Variants in LARP1 observed in about 807,000 individuals in gnomAD.
LARP1 encodes the protein la-related protein 1.
Under a neutral mutation model 122.7 loss-of-function variants are expected in LARP1, and 36 were observed. The ratio of observed to expected loss-of-function variants is 0.29; its 90% CI spans 0.22 to 0.39. The LOEUF (loss-of-function observed/expected upper bound fraction) is 0.39, where lower values mean the gene tolerates loss of function less well. Among genes scored for constraint, LARP1 ranks in the 10% least tolerant of loss-of-function variants. The pLI is 1.00. For synonymous variants in LARP1, 539 were observed against 528.7 expected (o/e 1.02, Z -0.27); for missense variants, 1,040 against 1,403.6 (o/e 0.74, Z 4.14).
chr5:154,811,389 G>A, intron 17 of LARP1, 33 bp downstream of exon 17: 1 of 1,599,750 alleles, frequency 6.3e-7, no homozygotes, highest in Non-Finnish European at 8.6e-7. Context: ...AGTGAGGCCT[G>A]GTCATGTAGG....
chr5:154,719,491 A>G (rs1755722462), intron 1 of LARP1, among the ~76,000 whole-genome samples: 1 of 152,202 alleles, frequency 6.6e-6, no homozygotes, highest in Admixed American at 6.5e-5. Context: ...CTGAAATACA[A>G]CTATCAAAAT....
intron 1 of LARP1, among the ~76,000 whole-genome samples, chr5:154,735,577 A>T (rs537108272): frequency 3.0e-4 from 45 of 148,510 alleles, no homozygotes; most frequent in African/African-American, 1.1e-3. Flanking sequence ...TTATTTATTT[A>T]TTTTTTCTGA....
At chr5:154,741,558 T>C (rs1172218995) in intron 1 of LARP1, among the ~76,000 whole-genome samples, 1 of 151,778 alleles carries the variant, frequency 6.6e-6, no homozygotes, top group Admixed American at 6.6e-5. Context: ...GCTTGAAGGA[T>C]GCAAAGTATC....
intron 1 of LARP1, among the ~76,000 whole-genome samples, chr5:154,688,632 C>A (rs532921382): frequency 8.2e-6 from 1 of 121,692 alleles, no homozygotes; most frequent in East Asian, 2.4e-4. Context: ...CCAGCCTGGG[C>A]GGCAGAGGAA....
chr5:154,740,708 C>T (rs1305575971), intron 1 of LARP1, among the ~76,000 whole-genome samples: 1 of 152,286 alleles, frequency 6.6e-6, no homozygotes, highest in African/African-American at 2.4e-5. Context: ...AAAGAACTTT[C>T]TAAACAAAGC....
At position 154,803,554 on chromosome 5, in the gene LARP1, C is replaced by G; in HGVS notation, c.2248C>G (p.Leu750Val). The G allele has an allele frequency of 6.2e-7, 1 of 1,614,160 alleles. No individual in the cohort carries two copies. Among genetic ancestry groups the G allele is most frequent in the South Asian group, 1.1e-5 (1 of 91,080 alleles). ...PRFQQVPTDALANKLFGAPEP... is the reference protein window; with the variant it reads ...PRFQQVPTDAVANKLFGAPEP... ...TGCCTCTGCAGTTCCTACGGATGCC[C>G]TGGCCAACAAGTTGTTTGGTGCTCC... Residue 750 changes from leucine to valine, a missense_variant, in exon 13 of 19, where the codon CTG becomes GTG. Coordinates refer to ENST00000518297, the MANE Select transcript of LARP1 (RefSeq NM_033551.3). This position sits in a 1 kb window ranked among gnomAD's most constrained non-coding sequence, Gnocchi z 4.4.
chr5:154,700,093 G>T (rs1267890105), intron 1 of LARP1, among the ~76,000 whole-genome samples: 2 of 152,010 alleles, frequency 1.3e-5, no homozygotes, highest in African/African-American at 4.8e-5. Flanking sequence ...TAGGGTGAGG[G>T]GAATGAGGTA....
intron 1 of LARP1, among the ~76,000 whole-genome samples, chr5:154,772,594 C>T (rs1755529493): frequency 1.3e-5 from 2 of 152,102 alleles, no homozygotes; most frequent in South Asian, 4.1e-4. Context: ...AAATTAGGCG[C>T]AGTAAGAGAT....
intron 8 of LARP1, among the ~76,000 whole-genome samples, chr5:154,797,239 T>G (rs1269440261): frequency 2.2e-3 from 293 of 135,084 alleles, no homozygotes; most frequent in African/African-American, 8.0e-3. Context: ...TTTTTTTTTT[T>G]TTTTTTTTTT....
intron 7 of LARP1, among the ~76,000 whole-genome samples, chr5:154,794,925 G>A (rs138220869): frequency 1.7e-3 from 252 of 152,346 alleles, no homozygotes; most frequent in African/African-American, 5.9e-3. Context: ...ATTTAAAGGA[G>A]GATGAGGAGT....
At chr5:154,792,932 G>GT in intron 4 of LARP1, 136 bp downstream of exon 4, 1 of 782,870 alleles carries the variant, frequency 1.3e-6, no homozygotes, top group Non-Finnish European at 2.0e-6. Flanking sequence ...ATGTAGGCTG[G>GT]TGAGATAGCA....
At chr5:154,685,169 G>A (rs1465210684) in intron 1 of LARP1, among the ~76,000 whole-genome samples, 1 of 151,994 alleles carries the variant, frequency 6.6e-6, no homozygotes, top group Non-Finnish European at 1.5e-5. Flanking sequence ...ACTTGAACCC[G>A]GAGGGTGGAG....
Position 154,756,109 on chromosome 5 carries a change from G to T in LARP1, c.352G>T (p.Glu118Ter). The change falls in exon 1 of 19, where the codon GAA becomes TAA. Residue 118 changes from glutamate (E) to a stop codon, truncating the protein, a stop_gained. Transcript: ENST00000518297. LOFTEE classifies it high-confidence loss of function. ...GGGCGCGGGGCGCCGGGACTTCGTG[G>T]AAGCCCCCCCGCCCAAGGTGAACCC... ...AAGAGRRDFV[E>*]APPPKVNPWT... is the part of the protein sequence containing the mutation. 2 of 1,217,660 alleles carry T rather than the reference G, an allele frequency of 1.6e-6. No individual in the cohort carries two copies. 75.4% of individuals were successfully genotyped at this position (1,217,660 alleles called of 1,614,324 possible). A position where few individuals can be genotyped will look rare whatever the true frequency, so the allele number is the denominator to read the frequency against.
intron 1 of LARP1, among the ~76,000 whole-genome samples, chr5:154,701,399 A>G (rs1256887770): frequency 6.6e-6 from 1 of 152,110 alleles, no homozygotes; most frequent in Non-Finnish European, 1.5e-5. Context: ...TGACCCAGCG[A>G]AAGTCTCCCT....
intron 15 of LARP1, among the ~76,000 whole-genome samples, chr5:154,806,239 C>A (rs553155787): frequency 6.6e-6 from 1 of 152,158 alleles, no homozygotes; most frequent in Non-Finnish European, 1.5e-5. Flanking sequence ...GCACTCACAA[C>A]GTTCGTGTTC....
chr5:154,730,547 A>C (rs1030613885), intron 1 of LARP1, among the ~76,000 whole-genome samples: 5 of 151,418 alleles, frequency 3.3e-5, no homozygotes, highest in Admixed American at 2.0e-4. Context: ...ATCTCGGCTC[A>C]CTGCAACCTC....
At chr5:154,790,127 C>T (rs1168537536) in intron 1 of LARP1, among the ~76,000 whole-genome samples, 198 bp from the exon 2 acceptor site, 1 of 152,170 alleles carries the variant, frequency 6.6e-6, no homozygotes, top group Non-Finnish European at 1.5e-5. Flanking sequence ...ATCGCGCTTT[C>T]TGTGACTTCT....
At chr5:154,783,894 A>C (rs1438337823) in intron 1 of LARP1, among the ~76,000 whole-genome samples, 1 of 152,190 alleles carries the variant, frequency 6.6e-6, no homozygotes, top group Non-Finnish European at 1.5e-5. Flanking sequence ...AATATTAGTA[A>C]GGAGGGTGAC....
chr5:154,706,869 C>T (rs1473850817), intron 1 of LARP1, among the ~76,000 whole-genome samples: 1 of 152,086 alleles, frequency 6.6e-6, no homozygotes, highest in Non-Finnish European at 1.5e-5. Flanking sequence ...TTAAATTTTG[C>T]TCCTGCATTT....
Sources: gnomAD v4.1 joint callset for allele counts (sites outside exome capture counted in the v4.1 genomes callset) on GRCh38, gnomAD v4.1.1 for gene constraint, Gnocchi (gnomAD v3.1) non-coding constraint, MANE v1.5 for transcripts, NCBI Gene and HGNC (gene_info 2026-07-23, HGNC 2026-07-21) for gene names.